The following DBF4 variants were observed in gnomAD, a reference collection of about 807,000 sequenced individuals.
DBF4 encodes protein DBF4 homolog A.
Under a neutral mutation model 76.6 loss-of-function variants are expected in DBF4, and 25 were observed. That is an observed-to-expected ratio of 0.33 (90% CI 0.24 to 0.46). The LOEUF is 0.46. Among genes scored for constraint, DBF4 ranks in the 20% least tolerant of loss-of-function variants. The probability of loss-of-function intolerance (pLI) is 1.00; values close to 1 mark genes in which losing one functional copy is unlikely to be tolerated. For missense variants in DBF4, 638 were observed against 760.8 expected (o/e 0.84, Z 1.90); for synonymous variants, 213 against 258.0 (o/e 0.83, Z 1.67).
chr7:87,878,349 C>A (rs560051342), intron 2 of DBF4, 124 bp downstream of exon 2: 4 of 755,714 alleles, frequency 5.3e-6, no homozygotes, highest in Non-Finnish European at 8.4e-6. Context: ...ACATTTTTAT[C>A]AGCTGTTTAT....
At chr7:87,904,192 C>T (rs561187002) in intron 10 of DBF4, 100 bp from the exon 11 acceptor site, 1 of 1,271,122 alleles carries the variant, frequency 7.9e-7, no homozygotes, top group African/African-American at 1.5e-5. Flanking sequence ...TATTGGAAAC[C>T]TAATTTTAGG....
chr7:87,878,316 C>G, intron 2 of DBF4, 91 bp downstream of exon 2: 1 of 1,008,122 alleles, frequency 9.9e-7, no homozygotes, highest in Non-Finnish European at 1.4e-6. Context: ...TTTTGGAAAA[C>G]GCTTCTATTA....
At position 87,895,758 on chromosome 7, in the gene DBF4, G is replaced by A. The variant is rs954848038; in HGVS notation, c.598-716G>A. Among the ~76,000 whole-genome samples, 8 of 152,202 alleles carry A rather than the reference G, an allele frequency of 5.3e-5. No individual in the cohort carries two copies. The South Asian group carries it at 1.2e-3, about 24-fold the overall frequency. On this transcript the variant is annotated intron_variant, in intron 6 of 11. Transcript: ENST00000265728. ...CTTTCCCAGGTCTTCTAGTCAGAAA[G>A]TGAGGGTTTCTCAATGTTAGCTTAA... is the stretch of plus-strand genomic sequence containing the variant.
In DBF4 at chr7:87,876,613, C is replaced by G; in HGVS notation, c.-120C>G. The G allele has an allele frequency of 1.8e-6, 2 of 1,132,660 alleles. No homozygotes were observed. Among genetic ancestry groups the G allele is most frequent in the Non-Finnish European group, 2.6e-6 (2 of 768,696 alleles). 70.2% of individuals were successfully genotyped at this position (1,132,660 alleles called of 1,614,324 possible). On this transcript the variant is annotated 5_prime_UTR_variant, in exon 1 of 12. Coordinates refer to ENST00000265728, the MANE Select transcript of DBF4 (RefSeq NM_006716.4). ...CGCGGTACCTCTACTGCGTAGAGGC[C>G]GTAGCTGGCGGAAGGAGAGAGGCGG...
rs538353736 is a variant in DBF4 at position 87,879,213 on chromosome 7, C to A, written c.219+988C>A. Among the ~76,000 whole-genome samples, 13 of 152,268 alleles carry A rather than the reference C, an allele frequency of 8.5e-5. 1 individual carries two copies. The highest frequency in any genetic ancestry group is 3.1e-4 in the African/African-American group (13 of 41,556). ...ATTTGCCCACCTCAGCCTTCTAAAG[C>A]GCTGGGATTGCAAGCATGAGCCCTC... On this transcript the variant is annotated intron_variant, in intron 2 of 11. Transcript: ENST00000265728.
At position 87,908,147 on chromosome 7, in the gene DBF4, C is replaced by T. The variant is rs751011577; in HGVS notation, c.2009C>T (p.Thr670Ile). Reference sequence around the variant, plus strand: ...TTTTTCTCGTCCCCTTCAACTTCTACATTTACTGGCTTTTAGAATTTAAAA... The same window carrying T: ...TTTTTCTCGTCCCCTTCAACTTCTATATTTACTGGCTTTTAGAATTTAAAA... Reference protein sequence around the residue: ...TAFFSSPSTSTFTGF With the variant: ...TAFFSSPSTSIFTGF The change falls in exon 12 of 12, where the codon ACA (threonine) becomes ATA (isoleucine). Residue 670 changes from threonine (T) to isoleucine (I), a missense_variant. Coordinates refer to ENST00000265728, the MANE Select transcript of DBF4 (RefSeq NM_006716.4). The T allele has an allele frequency of 3.5e-5, 55 of 1,577,092 alleles. 1 individual carries two copies. The South Asian group carries it at 6.3e-4, about 18-fold the overall frequency.
intron 2 of DBF4, 31 bp from the exon 3 acceptor site, chr7:87,884,948 T>C: frequency 1.3e-6 from 2 of 1,544,746 alleles, no homozygotes; most frequent in Non-Finnish European, 1.8e-6. Context: ...TAAAACAAAT[T>C]TATAAATAAA....
At position 87,900,789 on chromosome 7, in the gene DBF4, G is replaced by C. The variant is rs200328960; in HGVS notation, c.835G>C (p.Gly279Arg). ...AATCCAAACAGATGGCGATAAGTAT[G>C]GTGGAACCTCAATTCAACTCCAGTT... is the stretch of plus-strand genomic sequence containing the variant. ...LRIQTDGDKY[G>R]GTSIQLQLKE... is the part of the protein sequence containing the mutation. Residue 279 changes from glycine to arginine, a missense_variant, in exon 10 of 12, where the codon GGT (glycine) becomes CGT (arginine). Transcript: ENST00000265728. 4.3e-6 allele frequency: 7 copies of C among 1,613,118 alleles called. No individual in the cohort carries two copies. The Admixed American group carries it at 8.3e-5, about 19-fold the overall frequency.
intron 3 of DBF4, among the ~76,000 whole-genome samples, chr7:87,886,620 A>G (rs1179639710): frequency 6.6e-6 from 1 of 151,814 alleles, no homozygotes; most frequent in Non-Finnish European, 1.5e-5. Context: ...CTCTGATTTA[A>G]TAGGAACTAA....
At chr7:87,895,858 A>G (rs1839624018) in intron 6 of DBF4, among the ~76,000 whole-genome samples, 1 of 152,168 alleles carries the variant, frequency 6.6e-6, no homozygotes. Context: ...AGAAAAGAAA[A>G]TAATACAGGG....
chr7:87,891,755 G>C (rs1839497232), intron 6 of DBF4, among the ~76,000 whole-genome samples: 1 of 151,868 alleles, frequency 6.6e-6, no homozygotes, highest in African/African-American at 2.4e-5. Flanking sequence ...TGTGTGTGTG[G>C]TTTTCTGTTT....
chr7:87,904,854 C>T (rs533685866), intron 11 of DBF4, among the ~76,000 whole-genome samples: 2 of 152,188 alleles, frequency 1.3e-5, no homozygotes, highest in South Asian at 2.1e-4. Context: ...TGGTTAAAAA[C>T]CAGTAGCTTC....
At chr7:87,894,786 G>T (rs1438880769) in intron 6 of DBF4, among the ~76,000 whole-genome samples, 1 of 152,014 alleles carries the variant, frequency 6.6e-6, no homozygotes, top group Non-Finnish European at 1.5e-5. Context: ...ACTCAAATTG[G>T]TATTCATTTA....
At chr7:87,898,438 C>T (rs973161425) in intron 8 of DBF4, among the ~76,000 whole-genome samples, 3 of 152,048 alleles carry the variant, frequency 2.0e-5, no homozygotes, top group Non-Finnish European at 4.4e-5. Context: ...ATAGTAAAAA[C>T]GTATCCTAGA....
chr7:87,881,718 A>G (rs991567776), intron 2 of DBF4, among the ~76,000 whole-genome samples: 1 of 152,246 alleles, frequency 6.6e-6, no homozygotes, highest in Non-Finnish European at 1.5e-5. Flanking sequence ...CCCTCTAGGT[A>G]TTCTTTGTCT....
At chr7:87,885,283 G>T (rs1839317462) in intron 3 of DBF4, 125 bp downstream of exon 3, 1 of 749,626 alleles carries the variant, frequency 1.3e-6, no homozygotes, top group Admixed American at 3.0e-5. Flanking sequence ...ATGATGTGTG[G>T]CTCTCTAGTC....
At position 87,876,619 on chromosome 7, in the gene DBF4, T is replaced by C. The variant is rs1839044675; in HGVS notation, c.-114T>C. 3 of 1,207,522 alleles carry C rather than the reference T, an allele frequency of 2.5e-6. No homozygotes were observed. The highest frequency in any genetic ancestry group is 2.4e-6 in the Non-Finnish European group (2 of 832,344). 74.8% of individuals were successfully genotyped at this position (1,207,522 alleles called of 1,614,324 possible). A position where few individuals can be genotyped will look rare whatever the true frequency, so the allele number is the denominator to read the frequency against. Reference sequence around the variant, plus strand: ...ACCTCTACTGCGTAGAGGCCGTAGCTGGCGGAAGGAGAGAGGCGGCCGTCC... The same window carrying C: ...ACCTCTACTGCGTAGAGGCCGTAGCCGGCGGAAGGAGAGAGGCGGCCGTCC... On this transcript the variant is annotated 5_prime_UTR_variant, in exon 1 of 12. Coordinates refer to ENST00000265728, the MANE Select transcript of DBF4 (RefSeq NM_006716.4).
chr7:87,903,495 C>T (rs1839840738), intron 10 of DBF4, among the ~76,000 whole-genome samples: 1 of 152,132 alleles, frequency 6.6e-6, no homozygotes, highest in African/African-American at 2.4e-5. Context: ...CGAATCTTGG[C>T]TTTTTTAGTA....
intron 2 of DBF4, among the ~76,000 whole-genome samples, chr7:87,883,591 A>G (rs1368871579): frequency 6.6e-6 from 1 of 152,174 alleles, no homozygotes; most frequent in East Asian, 1.9e-4. Context: ...TAATCCCTGG[A>G]ATAAATAAAT....
Sources: allele counts gnomAD v4.1 joint callset (sites outside exome capture counted in the v4.1 genomes callset), GRCh38; gene constraint gnomAD v4.1.1; transcripts MANE v1.5; gene names NCBI Gene and HGNC (gene_info 2026-07-23, HGNC 2026-07-21).